Variants in CSNK2A2IP observed in about 807,000 individuals in gnomAD.
CSNK2A2IP encodes casein kinase 2 subunit alpha' interacting protein, also known as casein kinase II subunit alpha'-interacting protein.
At chr3:88,425,207 A>G in the CSNK2A2IP span, among the ~76,000 whole-genome samples, 1 of 152,088 alleles carries the variant, frequency 6.6e-6, no homozygotes, top group Non-Finnish European at 1.5e-5. Flanking sequence ...CTATATTACA[A>G]TATAAATAAT....
the CSNK2A2IP span, among the ~76,000 whole-genome samples, chr3:88,360,975 A>T: frequency 6.6e-6 from 1 of 152,182 alleles, no homozygotes; most frequent in South Asian, 2.1e-4. Flanking sequence ...GCAAAGAGAA[A>T]ACTAAGACTC....
the CSNK2A2IP span, chr3:88,466,663 G>A: frequency 1.6e-6 from 2 of 1,220,656 alleles, no homozygotes; most frequent in South Asian, 8.3e-5. Flanking sequence ...AAATAAAATT[G>A]TCAATTCTAT....
the CSNK2A2IP span, among the ~76,000 whole-genome samples, chr3:88,354,904 T>G: frequency 6.6e-6 from 1 of 152,048 alleles, no homozygotes; most frequent in Non-Finnish European, 1.5e-5. Context: ...AATGGAAGCC[T>G]AGGTATTGAT....
the CSNK2A2IP span, among the ~76,000 whole-genome samples, chr3:88,418,459 T>TGC: frequency 1.2e-5 from 1 of 80,746 alleles, no homozygotes; most frequent in African/African-American, 4.7e-5. Context: ...TGTGTGTGTG[T>TGC]GTGTGCGCGC....
the CSNK2A2IP span, among the ~76,000 whole-genome samples, chr3:88,362,554 C>T: frequency 1.3e-5 from 2 of 152,312 alleles, no homozygotes; most frequent in Admixed American, 1.3e-4. Context: ...CACACTGATA[C>T]ATAATGCCCA....
At chr3:88,399,906 G>A in the CSNK2A2IP span, 1 of 152,074 alleles carries the variant, frequency 6.6e-6, no homozygotes, top group African/African-American at 2.4e-5. Flanking sequence ...AGTAAAATAT[G>A]GCACAGAAAT....
chr3:88,436,484 T>C, the CSNK2A2IP span, among the ~76,000 whole-genome samples: 5 of 152,170 alleles, frequency 3.3e-5, no homozygotes, highest in East Asian at 1.9e-4. Flanking sequence ...GTCAAACTGA[T>C]GGTTGAGTTA....
chr3:88,366,530 C>G, the CSNK2A2IP span, among the ~76,000 whole-genome samples: 14 of 152,134 alleles, frequency 9.2e-5, no homozygotes, highest in African/African-American at 3.4e-4. Context: ...ACTTTATATC[C>G]TCAAGCTATA....
the CSNK2A2IP span, among the ~76,000 whole-genome samples, chr3:88,452,607 G>A: frequency 6.6e-6 from 1 of 152,048 alleles, no homozygotes; most frequent in African/African-American, 2.4e-5. Flanking sequence ...ACATTTGGTC[G>A]ACGACTCAAT....
At chr3:88,417,590 T>G in the CSNK2A2IP span, among the ~76,000 whole-genome samples, 14 of 152,346 alleles carry the variant, frequency 9.2e-5, no homozygotes, top group Admixed American at 3.3e-4. Context: ...GTTCCCAGGT[T>G]GGACCCACTA....
At chr3:88,360,390 C>T in the CSNK2A2IP span, among the ~76,000 whole-genome samples, 3 of 152,166 alleles carry the variant, frequency 2.0e-5, 1 homozygote, top group African/African-American at 7.2e-5. Flanking sequence ...GCCTCGGCCT[C>T]CCAAAGTGCT....
chr3:88,346,497 A>T, the CSNK2A2IP span, among the ~76,000 whole-genome samples: 2 of 151,626 alleles, frequency 1.3e-5, no homozygotes, highest in Non-Finnish European at 2.9e-5. Context: ...GGAGCCAGGG[A>T]TCCTTTACCA....
the CSNK2A2IP span, among the ~76,000 whole-genome samples, chr3:88,432,481 A>G: frequency 0.81 from 122,944 of 151,476 alleles, 50,561 homozygotes; most frequent in Non-Finnish European, 0.88. Context: ...TGCCAAGAGA[A>G]TACATTTTAG....
the CSNK2A2IP span, among the ~76,000 whole-genome samples, chr3:88,346,412 G>A: frequency 6.6e-6 from 1 of 152,016 alleles, no homozygotes; most frequent in Non-Finnish European, 1.5e-5. Flanking sequence ...CAAAGGAGAA[G>A]TCAATGTCTG....
At chr3:88,341,904 T>C in the CSNK2A2IP span, among the ~76,000 whole-genome samples, 1 of 151,972 alleles carries the variant, frequency 6.6e-6, no homozygotes, top group Non-Finnish European at 1.5e-5. Context: ...ATTGATGTGT[T>C]TTTACTTAGT....
At chr3:88,348,241 T>G in the CSNK2A2IP span, among the ~76,000 whole-genome samples, 1 of 152,002 alleles carries the variant, frequency 6.6e-6, no homozygotes, top group African/African-American at 2.4e-5. Flanking sequence ...TCTTGCAGCT[T>G]TATGTAATTA....
chr3:88,351,001 T>A, the CSNK2A2IP span, among the ~76,000 whole-genome samples: 3 of 152,246 alleles, frequency 2.0e-5, no homozygotes, highest in East Asian at 1.9e-4. Context: ...AATTTGAAAC[T>A]TTTTCCTGCT....
At chr3:88,429,712 C>T in the CSNK2A2IP span, among the ~76,000 whole-genome samples, 1 of 152,058 alleles carries the variant, frequency 6.6e-6, no homozygotes, top group Non-Finnish European at 1.5e-5. Flanking sequence ...AAATTGATCT[C>T]TAAACTCTTT....
At chr3:88,436,818 A>C in the CSNK2A2IP span, among the ~76,000 whole-genome samples, 2 of 152,136 alleles carry the variant, frequency 1.3e-5, no homozygotes, top group African/African-American at 4.8e-5. Context: ...ACTCGAATTG[A>C]TGATATTCAT....
Sources: allele counts gnomAD v4.1 joint callset (sites outside exome capture counted in the v4.1 genomes callset), GRCh38; gene constraint gnomAD v4.1.1; transcripts MANE v1.5; gene names NCBI Gene and HGNC (gene_info 2026-07-23, HGNC 2026-07-21).